The following VAV3 variants were observed in gnomAD, a reference collection of about 807,000 sequenced individuals.
VAV3 encodes guanine nucleotide exchange factor VAV3.
A neutral mutation model predicts 131.2 loss-of-function variants in VAV3; 94 were observed. The ratio of observed to expected loss-of-function variants is 0.72; its 90% CI spans 0.61 to 0.85. VAV3 has a LOEUF of 0.85. Ranked by LOEUF, VAV3 falls within the 40% of genes least tolerant of loss-of-function variation. The probability of loss-of-function intolerance (pLI) is 0.00; values close to 1 mark genes in which losing one functional copy is unlikely to be tolerated. For synonymous variants in VAV3, 349 were observed against 342.0 expected, an observed-to-expected ratio of 1.02 and a Z score of -0.22; for missense variants, 939 against 1,002.7, an observed-to-expected ratio of 0.94 and a Z score of 0.86.
At chr1:107,843,309 C>A (rs764423987) in intron 2 of VAV3, among the ~76,000 whole-genome samples, 1 of 149,940 alleles carries the variant, frequency 6.7e-6, no homozygotes, top group Non-Finnish European at 1.5e-5. Flanking sequence ...AGAGTACCTA[C>A]TAATAAAATT....
intron 2 of VAV3, among the ~76,000 whole-genome samples, chr1:107,793,570 G>A (rs1177006248): frequency 6.6e-6 from 1 of 152,210 alleles, no homozygotes; most frequent in Non-Finnish European, 1.5e-5. Flanking sequence ...GAACGGCTGA[G>A]TGGCAGACAC....
At chr1:107,803,675 C>T (rs1311146048) in intron 2 of VAV3, among the ~76,000 whole-genome samples, 1 of 152,060 alleles carries the variant, frequency 6.6e-6, no homozygotes, top group Non-Finnish European at 1.5e-5. Context: ...AGATACGGTG[C>T]ATTTTGGATG....
intron 12 of VAV3, among the ~76,000 whole-genome samples, chr1:107,755,218 G>GT (rs1440007096): frequency 6.6e-6 from 1 of 152,094 alleles, no homozygotes; most frequent in Non-Finnish European, 1.5e-5. Flanking sequence ...TGTGACTAAG[G>GT]TAAGAGGGAC....
At chr1:107,780,848 G>A (rs1477536463) in intron 2 of VAV3, among the ~76,000 whole-genome samples, 3 of 152,122 alleles carry the variant, frequency 2.0e-5, no homozygotes, top group Non-Finnish European at 4.4e-5. Flanking sequence ...TAGATATAAT[G>A]CATCCTAACT....
intron 1 of VAV3, among the ~76,000 whole-genome samples, chr1:107,946,521 T>C (rs1674268535): frequency 6.6e-6 from 1 of 152,168 alleles, no homozygotes; most frequent in African/African-American, 2.4e-5. Flanking sequence ...GCTACAAAAA[T>C]GTTTATGACC....
intron 17 of VAV3, among the ~76,000 whole-genome samples, chr1:107,697,402 C>T (rs565249037): frequency 7.2e-5 from 11 of 151,928 alleles, no homozygotes; most frequent in African/African-American, 1.9e-4. Flanking sequence ...AGGGCACCAA[C>T]GTATAAAACA....
chr1:107,702,673 T>A (rs1051035392), intron 17 of VAV3, among the ~76,000 whole-genome samples: 1 of 152,128 alleles, frequency 6.6e-6, no homozygotes, highest in African/African-American at 2.4e-5. Context: ...AGTTAAAAAA[T>A]TTTATGTCCT....
intron 17 of VAV3, among the ~76,000 whole-genome samples, chr1:107,689,720 T>C (rs1446744127): frequency 6.6e-6 from 1 of 152,156 alleles, no homozygotes; most frequent in Non-Finnish European, 1.5e-5. Context: ...GGAGTATTCC[T>C]GGACAAAAAG....
At chr1:107,689,388 G>A (rs572762062) in intron 17 of VAV3, among the ~76,000 whole-genome samples, 2 of 152,234 alleles carry the variant, frequency 1.3e-5, no homozygotes, top group South Asian at 2.1e-4. Flanking sequence ...GAAGCTCCCA[G>A]CCAGAGTTGA....
At chr1:107,721,653 A>G (rs576978557) in intron 15 of VAV3, among the ~76,000 whole-genome samples, 1 of 152,314 alleles carries the variant, frequency 6.6e-6, no homozygotes, top group African/African-American at 2.4e-5. Flanking sequence ...CTCTCCACAA[A>G]GGAAATCACA....
intron 22 of VAV3, among the ~76,000 whole-genome samples, chr1:107,609,238 AT>A (rs1179800850): frequency 6.6e-6 from 1 of 152,340 alleles, no homozygotes; most frequent in Non-Finnish European, 1.5e-5. Context: ...TCCTAAATAT[AT>A]TTTTTAATAG....
chr1:107,951,261 C>G (rs1468812090), intron 1 of VAV3, among the ~76,000 whole-genome samples: 1 of 152,148 alleles, frequency 6.6e-6, no homozygotes, highest in African/African-American at 2.4e-5. Context: ...TCTTCTTGGT[C>G]TCATCTCTCT....
In VAV3 at chr1:107,573,240, T is replaced by TAA. The variant is rs1333171129; in HGVS notation, c.*89_*90dup. The TAA allele has an allele frequency of 4.8e-6, 7 of 1,464,986 alleles. No homozygotes were observed. In the African/African-American group the frequency reaches 8.5e-5, roughly 18 times the overall value. 90.7% of individuals were successfully genotyped at this position (1,464,986 alleles called of 1,614,324 possible). A position where few individuals can be genotyped will look rare whatever the true frequency, so the allele number is the denominator to read the frequency against. ...TTGAACAGCCAGAAATGCAGCTTTT[T>TAA]AAACACTTCAGTTAATTCACGATGC... On this transcript the variant is annotated 3_prime_UTR_variant, in exon 27 of 27. Transcript: ENST00000370056.
At chr1:107,856,875 A>G (rs1202731232) in intron 2 of VAV3, among the ~76,000 whole-genome samples, 1 of 152,074 alleles carries the variant, frequency 6.6e-6, no homozygotes, top group Non-Finnish European at 1.5e-5. Flanking sequence ...CATCTCTACA[A>G]AAACTTTTAA....
At chr1:107,618,694 T>C (rs549300481) in intron 20 of VAV3, among the ~76,000 whole-genome samples, 4 of 152,094 alleles carry the variant, frequency 2.6e-5, no homozygotes, top group Non-Finnish European at 4.4e-5. Context: ...ACAGAGAAAG[T>C]AAATAATCTG....
intron 19 of VAV3, among the ~76,000 whole-genome samples, chr1:107,678,165 C>T (rs915719133): frequency 1.3e-5 from 2 of 151,348 alleles, no homozygotes; most frequent in Non-Finnish European, 3.0e-5. Context: ...AGCATTTGTT[C>T]ACAGCTTGGA....
intron 2 of VAV3, among the ~76,000 whole-genome samples, chr1:107,831,212 T>C (rs894116273): frequency 6.6e-6 from 1 of 152,188 alleles, no homozygotes; most frequent in African/African-American, 2.4e-5. Context: ...GTCTTTTAAA[T>C]TGTTTTTATA....
chr1:107,848,235 C>A (rs553835172), intron 2 of VAV3, among the ~76,000 whole-genome samples: 210 of 151,718 alleles, frequency 1.4e-3, no homozygotes, highest in African/African-American at 4.7e-3. Flanking sequence ...ATGGCGTGAA[C>A]CCTGGAGGCG....
chr1:107,817,490 G>A (rs1399245438), intron 2 of VAV3, among the ~76,000 whole-genome samples: 1 of 152,192 alleles, frequency 6.6e-6, no homozygotes, highest in African/African-American at 2.4e-5. Flanking sequence ...TAAGGAGAAT[G>A]AGCCATTTTC....
Sources: allele counts gnomAD v4.1 joint callset (sites outside exome capture counted in the v4.1 genomes callset), GRCh38; gene constraint gnomAD v4.1.1; transcripts MANE v1.5; gene names NCBI Gene and HGNC (gene_info 2026-07-23, HGNC 2026-07-21).